The following BCKDHB variants were observed in gnomAD, a reference collection of about 807,000 sequenced individuals.
The protein encoded by BCKDHB is 2-oxoisovalerate dehydrogenase subunit beta, mitochondrial.
In BCKDHB, 41 loss-of-function variants were observed where a neutral mutation model predicts 48.5. That is an observed-to-expected ratio of 0.85 (90% CI 0.66 to 1.10). BCKDHB has a LOEUF of 1.10. Ranked by LOEUF, BCKDHB falls within the 50% of genes least tolerant of loss-of-function variation. The pLI is 0.00. For synonymous variants in BCKDHB, 201 were observed against 174.8 expected, an observed-to-expected ratio of 1.15 and a Z score of -1.18; for missense variants, 496 against 494.2, an observed-to-expected ratio of 1.00 and a Z score of -0.03.
Position 80,344,001 on chromosome 6 carries a change from TG to T in BCKDHB, c.*198del, listed in dbSNP as rs1554216411. ...ATTTATAGTAGTATATTTACATTTTTGTTGTTGTTGTTGTTCTGAGATGGAG... is the reference window on the plus strand; with the variant it reads ...ATTTATAGTAGTATATTTACATTTTTTTGTTGTTGTTGTTCTGAGATGGAG... On this transcript the variant is annotated 3_prime_UTR_variant, in exon 10 of 10. Coordinates refer to ENST00000320393, the MANE Select transcript of BCKDHB (RefSeq NM_183050.4). The T allele has an allele frequency of 1.3e-4, 4 of 30,214 alleles. No homozygotes were observed. Among genetic ancestry groups the T allele is most frequent in the Middle Eastern group, 0.012 (1 of 84 alleles). The allele number at this position is 30,214 out of a possible 1,614,324, so 1.9% of individuals were successfully genotyped here.
At chr6:80,140,718 G>A (rs562275397) in intron 3 of BCKDHB, among the ~76,000 whole-genome samples, 4 of 152,164 alleles carry the variant, frequency 2.6e-5, no homozygotes, top group Non-Finnish European at 5.9e-5. Flanking sequence ...GTATTTTTTT[G>A]AGGATTTTTG....
At chr6:80,129,128 A>C in intron 2 of BCKDHB, 33 bp from the exon 3 acceptor site, 4 of 1,452,340 alleles carry the variant, frequency 2.8e-6, no homozygotes, top group Non-Finnish European at 3.8e-6. Context: ...GAGATTATTA[A>C]ATAAAATGTA....
At chr6:80,380,661 A>G in the BCKDHB span, among the ~76,000 whole-genome samples, 1 of 152,014 alleles carries the variant, frequency 6.6e-6, no homozygotes, top group African/African-American at 2.4e-5. Flanking sequence ...ACAGAATGGG[A>G]GAAGATATTT....
chr6:80,428,545 C>T, the BCKDHB span, among the ~76,000 whole-genome samples: 5 of 152,164 alleles, frequency 3.3e-5, no homozygotes, highest in Admixed American at 3.3e-4. Context: ...TGTTTCCTGA[C>T]TTTTTAATGA....
chr6:80,186,267 G>C (rs891310809), intron 6 of BCKDHB, among the ~76,000 whole-genome samples: 1 of 152,098 alleles, frequency 6.6e-6, no homozygotes, highest in Non-Finnish European at 1.5e-5. Flanking sequence ...CTTGAGCAGG[G>C]CTTGCCGAGG....
chr6:80,295,592 A>G (rs1454168453), intron 9 of BCKDHB, among the ~76,000 whole-genome samples: 2 of 149,616 alleles, frequency 1.3e-5, no homozygotes, highest in African/African-American at 4.9e-5. Flanking sequence ...TGGTAAAATA[A>G]CCAGTTTCTC....
At chr6:80,361,575 C>A in the BCKDHB span, among the ~76,000 whole-genome samples, 3 of 152,132 alleles carry the variant, frequency 2.0e-5, no homozygotes, top group Non-Finnish European at 2.9e-5. Flanking sequence ...AATGGTGAGT[C>A]CTTTTTAGAC....
intron 9 of BCKDHB, among the ~76,000 whole-genome samples, chr6:80,289,721 C>T (rs1766812723): frequency 6.6e-6 from 1 of 152,122 alleles, no homozygotes; most frequent in South Asian, 2.1e-4. Flanking sequence ...TCCGTGTCTC[C>T]CCTGGATGTG....
chr6:80,346,371 A>G (rs930598076), downstream of BCKDHB: 14 of 152,182 alleles, frequency 9.2e-5, no homozygotes, highest in Non-Finnish European at 2.1e-4. Flanking sequence ...AAAGTACAGT[A>G]TTCACTATAG....
chr6:80,266,463 T>C (rs1562188240), intron 8 of BCKDHB, among the ~76,000 whole-genome samples: 1 of 152,122 alleles, frequency 6.6e-6, no homozygotes, highest in Non-Finnish European at 1.5e-5. Flanking sequence ...ACTACATCTC[T>C]AATAAATGTC....
chr6:80,161,732 C>T (rs1438457320), intron 3 of BCKDHB, among the ~76,000 whole-genome samples: 1 of 152,178 alleles, frequency 6.6e-6, no homozygotes, highest in East Asian at 1.9e-4. Context: ...CTCCATCCTA[C>T]ATCAGCTTTT....
chr6:80,459,147 T>G, the BCKDHB span, among the ~76,000 whole-genome samples: 1 of 152,146 alleles, frequency 6.6e-6, no homozygotes, highest in Admixed American at 6.5e-5. Context: ...CCAAAAGAAT[T>G]GAAATTAGTA....
intron 6 of BCKDHB, among the ~76,000 whole-genome samples, chr6:80,189,251 T>G (rs1773786618): frequency 6.6e-6 from 1 of 152,220 alleles, no homozygotes; most frequent in South Asian, 2.1e-4. Flanking sequence ...AATTTTTTTC[T>G]TTTTGAATTG....
the BCKDHB span, chr6:80,463,141 A>G: frequency 6.6e-6 from 1 of 152,228 alleles, no homozygotes; most frequent in African/African-American, 2.4e-5. Flanking sequence ...AGTAAGTGCA[A>G]ACATATTTCG....
At chr6:80,425,197 C>T in the BCKDHB span, among the ~76,000 whole-genome samples, 4 of 152,144 alleles carry the variant, frequency 2.6e-5, no homozygotes, top group Non-Finnish European at 5.9e-5. Flanking sequence ...TGACTAAGCC[C>T]TGTGTAAGGG....
chr6:80,231,892 C>T (rs913055874), intron 8 of BCKDHB, among the ~76,000 whole-genome samples: 3 of 152,028 alleles, frequency 2.0e-5, no homozygotes, highest in Non-Finnish European at 2.9e-5. Context: ...TTGAACCCAG[C>T]GGGCAGAGGT....
chr6:80,149,943 C>G (rs957439743), intron 3 of BCKDHB, among the ~76,000 whole-genome samples: 4 of 151,268 alleles, frequency 2.6e-5, no homozygotes, highest in Non-Finnish European at 4.4e-5. Context: ...CTAACCTGCA[C>G]ATTGTGCACA....
In BCKDHB at chr6:80,135,093, A is replaced by G. The variant is rs140322501; in HGVS notation, c.343+5864A>G. Among the ~76,000 whole-genome samples, 265 of 152,216 alleles carry G rather than the reference A, an allele frequency of 1.7e-3. 1 individual carries two copies. Among genetic ancestry groups the G allele is most frequent in the African/African-American group, 6.0e-3 (251 of 41,558 alleles). ...TTTTAAATTTAGGGGTGTTAGCAAA[A>G]TCTTTGCTCTCTTATATATTTTTTG... On this transcript the variant is annotated intron_variant, in intron 3 of 9. Transcript: ENST00000320393.
intron 5 of BCKDHB, among the ~76,000 whole-genome samples, chr6:80,169,341 ATTTC>A (rs1027608711): frequency 2.8e-4 from 43 of 152,140 alleles, no homozygotes; most frequent in Non-Finnish European, 5.1e-4. Flanking sequence ...AAAGCTTTAT[ATTTC>A]TTTCTAACTT....
Sources: allele counts gnomAD v4.1 joint callset (sites outside exome capture counted in the v4.1 genomes callset), GRCh38; gene constraint gnomAD v4.1.1; transcripts MANE v1.5; gene names NCBI Gene and HGNC (gene_info 2026-07-23, HGNC 2026-07-21).